The following LPIN2 variants were observed in gnomAD, a reference collection of about 807,000 sequenced individuals.
LPIN2 encodes the protein phosphatidate phosphatase LPIN2.
LPIN2 carries 55 observed loss-of-function variants against 111.4 expected under a neutral mutation model. That is an observed-to-expected ratio of 0.49 (90% CI 0.40 to 0.62). The LOEUF is 0.62. Ranked by LOEUF, LPIN2 falls within the 20% of genes least tolerant of loss-of-function variation. LPIN2 has a pLI of 0.00. For synonymous variants in LPIN2, 425 were observed against 414.0 expected, an observed-to-expected ratio of 1.03 and a Z score of -0.32; for missense variants, 992 against 1,112.1, an observed-to-expected ratio of 0.89 and a Z score of 1.54.
chr18:2,951,088 C>T lies in LPIN2; in HGVS notation c.557G>A (p.Ser186Asn). 6.2e-7 allele frequency: 1 copy of T among 1,614,218 alleles called. No individual in the cohort carries two copies. The highest frequency in any genetic ancestry group is 8.5e-7 in the Non-Finnish European group (1 of 1,180,046). Reference protein sequence around the residue: ...AAEDTCDVGVSSDDDKGAQAA... With the variant: ...AAEDTCDVGVNSDDDKGAQAA... ...CTGGGCCCCCTTGTCATCATCGGAG[C>T]TCACGCCTACATCACATGTGTCTTC... Residue 186 changes from serine to asparagine, a missense_variant, in exon 4 of 20, where the codon AGC becomes AAC. Coordinates refer to ENST00000677752, the MANE Select transcript of LPIN2 (RefSeq NM_001375808.2).
At chr18:2,952,765 A>G (rs754555264) in intron 3 of LPIN2, among the ~76,000 whole-genome samples, 9 of 152,188 alleles carry the variant, frequency 5.9e-5, no homozygotes, top group Non-Finnish European at 1.2e-4. Flanking sequence ...TCTTAGTTCT[A>G]TTATAGCAAT....
At chr18:2,930,706 A>G (rs1229637488) in intron 9 of LPIN2, among the ~76,000 whole-genome samples, 1 of 152,242 alleles carries the variant, frequency 6.6e-6, no homozygotes, top group Non-Finnish European at 1.5e-5. Flanking sequence ...AGCCCAGCCT[A>G]TAGGCATCCT....
intron 10 of LPIN2, 43 bp downstream of exon 10, chr18:2,929,022 A>G (rs763429712): frequency 3.9e-6 from 5 of 1,292,952 alleles, no homozygotes; most frequent in Non-Finnish European, 5.6e-6. Flanking sequence ...CTTGTAAAAA[A>G]ACTGCAAGAG....
At chr18:2,990,053 G>A (rs2078242368) in intron 1 of LPIN2, among the ~76,000 whole-genome samples, 1 of 152,138 alleles carries the variant, frequency 6.6e-6, no homozygotes, top group African/African-American at 2.4e-5. Context: ...TTTGACAAGA[G>A]TACCAAATCC....
rs773610194 is a variant in LPIN2 at position 2,921,690 on chromosome 18, CGT to C, written c.2328-45_2328-44del. On this transcript the variant is annotated intron_variant, in intron 17 of 19. Coordinates refer to ENST00000677752, the MANE Select transcript of LPIN2 (RefSeq NM_001375808.2). ...ATACAATCACCAATCTCAAAATGGTCGTTTTCCCCAGTGAGTGGTCCTAAAAT... is the reference window on the plus strand; with the variant it reads ...ATACAATCACCAATCTCAAAATGGTCTTTCCCCAGTGAGTGGTCCTAAAAT... 3.6e-5 allele frequency: 51 copies of C among 1,417,436 alleles called. No homozygotes were observed. The South Asian group carries it at 5.6e-4, about 16-fold the overall frequency. The allele number at this position is 1,417,436 out of a possible 1,614,324, so 87.8% of individuals were successfully genotyped here. A position where few individuals can be genotyped will look rare whatever the true frequency, so the allele number is the denominator to read the frequency against.
intron 1 of LPIN2, among the ~76,000 whole-genome samples, chr18:2,984,081 C>T (rs1234744346): frequency 6.6e-6 from 1 of 152,186 alleles, no homozygotes; most frequent in African/African-American, 2.4e-5. Flanking sequence ...CTAAACTTCA[C>T]AAAAGACAAA....
At position 2,920,340 on chromosome 18, in the gene LPIN2, A is replaced by C. The variant is rs1474562757; in HGVS notation, c.2644T>G (p.Tyr882Asp). The C allele has an allele frequency of 1.2e-6, 2 of 1,614,086 alleles. No homozygotes were observed. The highest frequency in any genetic ancestry group is 1.7e-6 in the Non-Finnish European group (2 of 1,180,050). The change falls in exon 20 of 20, where the codon TAC becomes GAC. Residue 882 changes from tyrosine to aspartate, a missense_variant. Around this residue, in one of 4 missense-constraint regions of LPIN2, gnomAD observed 185 missense variants for 186.5 expected, o/e 0.99. Transcript: ENST00000677752. ...ACTTCAGGGATCGGGTCTCGCCAGT[A>C]GCAGAAGGAGCTGAACTCCGGGCAG... is the stretch of plus-strand genomic sequence containing the variant. ...FPCPEFSSFC[Y>D]WRDPIPEVDL... is the part of the protein sequence containing the mutation.
intron 9 of LPIN2, among the ~76,000 whole-genome samples, chr18:2,930,506 A>ACAT (rs1294840121): frequency 6.6e-6 from 1 of 152,230 alleles, no homozygotes; most frequent in Non-Finnish European, 1.5e-5. Flanking sequence ...GCAGTCTGCC[A>ACAT]CATCACACCT....
At chr18:2,997,018 C>T (rs186351330) in intron 1 of LPIN2, among the ~76,000 whole-genome samples, 238 of 151,430 alleles carry the variant, frequency 1.6e-3, no homozygotes, top group Admixed American at 6.2e-3. Context: ...GTCTCACTCC[C>T]TCACCCAGGC....
Position 2,917,601 on chromosome 18 carries a change from T to G in LPIN2, c.*2692A>C, listed in dbSNP as rs947952210. ...TAGGACATCCCATTTTTAAGTTTTT[T>G]CTTTTTCCAGTTGAAAACTATGCAG... On this transcript the variant is annotated 3_prime_UTR_variant, in exon 20 of 20. Transcript: ENST00000677752. 4 of 152,190 alleles carry G rather than the reference T, an allele frequency of 2.6e-5. No individual in the cohort carries two copies. The highest frequency in any genetic ancestry group is 7.2e-5 in the African/African-American group (3 of 41,430). 9.4% of individuals were successfully genotyped at this position (152,190 alleles called of 1,614,324 possible).
intron 1 of LPIN2, among the ~76,000 whole-genome samples, chr18:2,978,076 A>G (rs2078049201): frequency 2.0e-5 from 3 of 152,090 alleles, no homozygotes. Context: ...AGTCCCAGCT[A>G]CTCAGGAGGC....
chr18:2,950,791 G>A (rs1471545640), intron 4 of LPIN2: 4 of 510,562 alleles, frequency 7.8e-6, no homozygotes, highest in East Asian at 3.6e-5. Context: ...CAGATCTTTT[G>A]ACTTAGAACT....
intron 1 of LPIN2, among the ~76,000 whole-genome samples, chr18:3,011,380 T>G (rs1175955749): frequency 6.6e-6 from 1 of 152,098 alleles, no homozygotes; most frequent in Non-Finnish European, 1.5e-5. Flanking sequence ...TATCAAAAGT[T>G]GGGCATGGAG....
At chr18:2,951,816 C>A (rs376244958) in intron 3 of LPIN2, among the ~76,000 whole-genome samples, 1 of 152,170 alleles carries the variant, frequency 6.6e-6, no homozygotes, top group Admixed American at 6.5e-5. Context: ...AGGTGAGTGA[C>A]GCGAGGATGC....
At chr18:2,997,144 G>A (rs1261924450) in intron 1 of LPIN2, among the ~76,000 whole-genome samples, 2 of 152,000 alleles carry the variant, frequency 1.3e-5, no homozygotes, top group African/African-American at 4.8e-5. Flanking sequence ...CCCACGCCTG[G>A]CTAATTTTTG....
At chr18:2,982,649 A>G in intron 1 of LPIN2, 1 of 1,189,858 alleles carries the variant, frequency 8.4e-7, no homozygotes, top group Non-Finnish European at 1.1e-6. Context: ...GAGCAGGGAC[A>G]TTGGGAGATG....
chr18:2,974,359 G>A (rs779871712), intron 1 of LPIN2, among the ~76,000 whole-genome samples: 33 of 152,216 alleles, frequency 2.2e-4, no homozygotes, highest in African/African-American at 5.1e-4. Context: ...ATTAACAGGC[G>A]TGAGCCACCG....
chr18:2,938,539 C>T (rs1785283), intron 6 of LPIN2, among the ~76,000 whole-genome samples: 144,480 of 152,182 alleles, frequency 0.95, 68,758 homozygotes, highest in East Asian at 0.99. Flanking sequence ...AAAAGGTGTA[C>T]GTTAAATGTT....
chr18:2,956,311 G>GGGGTGTGTGTGTGTGTGTGTGTGT (rs537302837), intron 2 of LPIN2, among the ~76,000 whole-genome samples: 35 of 143,956 alleles, frequency 2.4e-4, no homozygotes, highest in Non-Finnish European at 4.4e-4. Flanking sequence ...TAGATGCAGG[G>GGGGTGTGTGTGTGTGTGTGTGTGT]GTGTGTGTGT....
Sources: allele counts gnomAD v4.1 joint callset (sites outside exome capture counted in the v4.1 genomes callset), GRCh38; gene constraint gnomAD v4.1.1; regional missense constraint gnomAD v4.1.1; transcripts MANE v1.5; gene names NCBI Gene and HGNC (gene_info 2026-07-23, HGNC 2026-07-21).